WIPF2: variants seen among roughly 807,000 people sequenced by gnomAD.
WIPF2 encodes WAS/WASL-interacting protein family member 2.
A neutral mutation model predicts 38.8 loss-of-function variants in WIPF2; 23 were observed. That is an observed-to-expected ratio of 0.59 (90% CI 0.43 to 0.84). The LOEUF (loss-of-function observed/expected upper bound fraction) is 0.84. WIPF2 is among the 40% of genes least tolerant of loss of function. The pLI is 0.00. For missense variants in WIPF2, 574 were observed against 580.5 expected (o/e 0.99, Z 0.11); for synonymous variants, 210 against 223.2 (o/e 0.94, Z 0.53).
chr17:40,248,568 T>G (rs2031451795), intron 1 of WIPF2, among the ~76,000 whole-genome samples: 1 of 152,240 alleles, frequency 6.6e-6, no homozygotes, highest in Non-Finnish European at 1.5e-5. Flanking sequence ...CTCAAAGTGC[T>G]GGGATTGCAG....
Position 40,242,590 on chromosome 17 carries a change from C to T in WIPF2, c.-69-13801C>T, listed in dbSNP as rs147834530. Among the ~76,000 whole-genome samples the T allele has an allele frequency of 9.2e-3, 1,398 of 152,150 alleles. 8 individuals carry two copies. Among genetic ancestry groups the T allele is most frequent in the Middle Eastern group, 0.02 (6 of 294 alleles). ...AATTTTTTTGTATTTTTAGTACAGA[C>T]GGGGTTTCACCATGTTGGCCAGGCC... On this transcript the variant is annotated intron_variant, in intron 1 of 7. Coordinates refer to ENST00000323571, the MANE Select transcript of WIPF2 (RefSeq NM_133264.5).
chr17:40,248,415 C>T (rs537083115), intron 1 of WIPF2, among the ~76,000 whole-genome samples: 4 of 151,926 alleles, frequency 2.6e-5, no homozygotes, highest in East Asian at 1.9e-4. Flanking sequence ...GAGATCCGTC[C>T]GCCTCGGCCT....
At chr17:40,264,355 A>AAAAAAAAAAAAAACCC in intron 4 of WIPF2, 135 bp from the exon 5 acceptor site, 1 of 664,656 alleles carries the variant, frequency 1.5e-6, no homozygotes, top group Non-Finnish European at 2.5e-6. Flanking sequence ...AAAAAAAAAG[A>AAAAAAAAAAAAAACCC]AAAACAAAAA....
intron 2 of WIPF2, among the ~76,000 whole-genome samples, chr17:40,259,164 C>T (rs2031822872): frequency 6.7e-6 from 1 of 150,040 alleles, no homozygotes; most frequent in Non-Finnish European, 1.5e-5. Context: ...CAGGTGTGAG[C>T]CACTGTGCCG....
intron 6 of WIPF2, among the ~76,000 whole-genome samples, chr17:40,275,936 G>T (rs567357111): frequency 6.6e-6 from 1 of 152,194 alleles, no homozygotes; most frequent in South Asian, 2.1e-4. Flanking sequence ...TTCCTATTAG[G>T]TATGCCAGGG....
intron 6 of WIPF2, among the ~76,000 whole-genome samples, chr17:40,274,668 G>A (rs977669061): frequency 2.1e-4 from 32 of 151,282 alleles, no homozygotes; most frequent in African/African-American, 5.8e-4. Context: ...AGGATTGGGC[G>A]TGGTGGCTCA....
chr17:40,234,366 G>A (rs181182697), intron 1 of WIPF2, among the ~76,000 whole-genome samples: 1 of 152,306 alleles, frequency 6.6e-6, no homozygotes, highest in Non-Finnish European at 1.5e-5. Flanking sequence ...CTGGGAGGCG[G>A]AGGTTGCAGT....
chr17:40,260,875 G>A (rs1311332759), intron 3 of WIPF2: 28 of 656,552 alleles, frequency 4.3e-5, no homozygotes, highest in South Asian at 3.3e-4. Context: ...CCATCTCACC[G>A]GGCATGGTGG....
At chr17:40,239,272 T>C (rs901468561) in intron 1 of WIPF2, among the ~76,000 whole-genome samples, 1 of 151,136 alleles carries the variant, frequency 6.6e-6, no homozygotes, top group Non-Finnish European at 1.5e-5. Flanking sequence ...GGGGTTTCAC[T>C]GTGTTAGCCA....
intron 5 of WIPF2, among the ~76,000 whole-genome samples, chr17:40,270,345 G>A (rs1393756791): frequency 1.4e-5 from 2 of 143,378 alleles, no homozygotes; most frequent in African/African-American, 5.2e-5. Context: ...AAGCCTGGGG[G>A]ACAGAGCGAG....
At chr17:40,247,509 G>A (rs571443484) in intron 1 of WIPF2, among the ~76,000 whole-genome samples, 3 of 149,404 alleles carry the variant, frequency 2.0e-5, no homozygotes, top group South Asian at 4.2e-4. Flanking sequence ...GTGAGCCAAC[G>A]CGCCTGGCCT....
intron 1 of WIPF2, among the ~76,000 whole-genome samples, chr17:40,231,935 CTT>C (rs71152658): frequency 4.8e-5 from 5 of 104,254 alleles, no homozygotes; most frequent in Non-Finnish European, 6.4e-5. Context: ...TTTTTTCTTT[CTT>C]TTTTTTTTTT....
chr17:40,246,893 C>T (rs1479165304), intron 1 of WIPF2, among the ~76,000 whole-genome samples: 1 of 151,902 alleles, frequency 6.6e-6, no homozygotes, highest in East Asian at 1.9e-4. Context: ...GGGCGGATCA[C>T]GACATCAGTA....
rs60359132 is a variant in WIPF2, at chr17:40,248,163, C to CTTTTTTT, written c.-69-8207_-69-8201dup. ...TTTAATAAAAATTTAAAAGTTATTT[C>CTTTTTTT]TTTTTTTTTTTTTTTTTTTTTTTTT... On this transcript the variant is annotated intron_variant, in intron 1 of 7. Coordinates refer to ENST00000323571, the MANE Select transcript of WIPF2 (RefSeq NM_133264.5). 2.9e-4 allele frequency among the ~76,000 whole-genome samples: 14 copies of CTTTTTTT among 47,596 alleles called. 1 individual carries two copies. Among genetic ancestry groups the CTTTTTTT allele is most frequent in the East Asian group, 1.6e-3 (3 of 1,864 alleles). 31.2% of individuals were successfully genotyped at this position (47,596 alleles called of 152,430 possible).
At chr17:40,237,266 A>T (rs2031011258) in intron 1 of WIPF2, among the ~76,000 whole-genome samples, 1 of 134,818 alleles carries the variant, frequency 7.4e-6, no homozygotes. Context: ...TTTGAGACAG[A>T]GTCTCACTTT....
At chr17:40,253,238 A>G (rs1416931176) in intron 1 of WIPF2, among the ~76,000 whole-genome samples, 1 of 148,884 alleles carries the variant, frequency 6.7e-6, no homozygotes, top group Non-Finnish European at 1.5e-5. Flanking sequence ...AATTTTTTGT[A>G]TTTTTAGTAG....
At chr17:40,274,815 C>T (rs926280563) in intron 6 of WIPF2, among the ~76,000 whole-genome samples, 8 of 150,640 alleles carry the variant, frequency 5.3e-5, no homozygotes, top group African/African-American at 1.5e-4. Context: ...TGGTGGCACA[C>T]GCCTGTGTTT....
chr17:40,221,255 G>A (rs1264404231), intron 1 of WIPF2, among the ~76,000 whole-genome samples: 2 of 152,118 alleles, frequency 1.3e-5, no homozygotes, highest in Non-Finnish European at 2.9e-5. Flanking sequence ...GAACCACAGG[G>A]AATAAGGACA....
chr17:40,243,452 A>C (rs563204858), intron 1 of WIPF2, among the ~76,000 whole-genome samples: 1 of 151,902 alleles, frequency 6.6e-6, no homozygotes, highest in East Asian at 1.9e-4. Flanking sequence ...TTCCTCCTTC[A>C]TTTTCTCTTT....
Sources: allele counts gnomAD v4.1 joint callset (sites outside exome capture counted in the v4.1 genomes callset), GRCh38; gene constraint gnomAD v4.1.1; transcripts MANE v1.5; gene names NCBI Gene and HGNC (gene_info 2026-07-23, HGNC 2026-07-21).